Variants in METAP1 observed in about 807,000 individuals in gnomAD.
The protein encoded by METAP1 is methionine aminopeptidase 1.
In METAP1, 28 loss-of-function variants were observed where a neutral mutation model predicts 53.8. The ratio of observed to expected loss-of-function variants is 0.52; its 90% CI spans 0.39 to 0.71. The LOEUF (loss-of-function observed/expected upper bound fraction) is 0.71. Among genes scored for constraint, METAP1 ranks in the 30% least tolerant of loss-of-function variants. The probability of loss-of-function intolerance (pLI) is 0.00; values close to 1 mark genes in which losing one functional copy is unlikely to be tolerated. For missense variants in METAP1, 389 were observed against 479.8 expected (o/e 0.81, Z 1.77); for synonymous variants, 181 against 165.7 (o/e 1.09, Z -0.71).
chr4:99,010,142 C>T (rs187958769), intron 1 of METAP1, among the ~76,000 whole-genome samples: 5 of 152,328 alleles, frequency 3.3e-5, no homozygotes, highest in African/African-American at 1.2e-4. Context: ...TATTCTTTGC[C>T]TGTTGGCACC....
chr4:99,006,923 C>A (rs1400542584), intron 1 of METAP1, among the ~76,000 whole-genome samples: 1 of 151,922 alleles, frequency 6.6e-6, no homozygotes, highest in Non-Finnish European at 1.5e-5. Flanking sequence ...TTTCTGTAAG[C>A]CAGAAATCAA....
At chr4:99,023,852 A>T in intron 1 of METAP1, 10 of 876,768 alleles carry the variant, frequency 1.1e-5, no homozygotes, top group Non-Finnish European at 1.4e-5. Flanking sequence ...TTATCAAGAC[A>T]AGGGAATTGC....
intron 1 of METAP1, among the ~76,000 whole-genome samples, chr4:99,028,629 A>G (rs948730919): frequency 9.9e-5 from 15 of 152,236 alleles, no homozygotes; most frequent in African/African-American, 2.9e-4. Flanking sequence ...AACTGTGACT[A>G]TTATATAACA....
At chr4:99,046,717 A>G (rs1726268247) in intron 8 of METAP1, among the ~76,000 whole-genome samples, 1 of 152,168 alleles carries the variant, frequency 6.6e-6, no homozygotes, top group Admixed American at 6.5e-5. Context: ...AATGGAAATG[A>G]AGGAATATGA....
At chr4:99,055,971 C>T (rs898345608) in intron 9 of METAP1, among the ~76,000 whole-genome samples, 1 of 152,080 alleles carries the variant, frequency 6.6e-6, no homozygotes, top group Non-Finnish European at 1.5e-5. Flanking sequence ...GATTTTATAA[C>T]AGTTTAGAAG....
intron 9 of METAP1, 107 bp from the exon 10 acceptor site, chr4:99,057,641 ATTAAT>A: frequency 1.3e-6 from 1 of 755,582 alleles, no homozygotes; most frequent in South Asian, 1.8e-5. Flanking sequence ...AATCAGGGTA[ATTAAT>A]TTAACAATCA....
At chr4:99,010,759 A>G (rs193192424) in intron 1 of METAP1, among the ~76,000 whole-genome samples, 46 of 152,306 alleles carry the variant, frequency 3.0e-4, no homozygotes, top group Non-Finnish European at 1.3e-4. Context: ...TGCTTTGGGT[A>G]ATATTGATAT....
At chr4:99,056,426 A>G (rs1326258741) in intron 9 of METAP1, among the ~76,000 whole-genome samples, 1 of 152,344 alleles carries the variant, frequency 6.6e-6, no homozygotes, top group East Asian at 1.9e-4. Flanking sequence ...TGATCCTGAA[A>G]AAAACTTACA....
At chr4:99,008,558 T>C (rs1052417645) in intron 1 of METAP1, among the ~76,000 whole-genome samples, 1 of 152,196 alleles carries the variant, frequency 6.6e-6, no homozygotes, top group Non-Finnish European at 1.5e-5. Context: ...ACATATGTAC[T>C]ATATACAGGT....
chr4:99,031,734 A>G (rs1725049125), intron 2 of METAP1: 1 of 599,958 alleles, frequency 1.7e-6, no homozygotes, highest in Admixed American at 2.4e-5. Flanking sequence ...ATCCTGTCCC[A>G]TGCAAAGCTT....
intron 1 of METAP1, among the ~76,000 whole-genome samples, chr4:99,008,159 G>A (rs540692566): frequency 1.3e-5 from 2 of 152,284 alleles, no homozygotes; most frequent in African/African-American, 4.8e-5. Context: ...AAATAGGTGT[G>A]AAAATCAAAT....
At chr4:99,017,758 C>A (rs549758261) in intron 1 of METAP1, among the ~76,000 whole-genome samples, 1 of 152,272 alleles carries the variant, frequency 6.6e-6, no homozygotes, top group Non-Finnish European at 1.5e-5. Flanking sequence ...TTAAGTATCC[C>A]CCAAAGGTAA....
At chr4:99,057,871 G>C in intron 10 of METAP1, 53 bp downstream of exon 10, 1 of 1,465,156 alleles carries the variant, frequency 6.8e-7, no homozygotes, top group Non-Finnish European at 9.3e-7. Context: ...ATGTATTTTA[G>C]GTAATTCATC....
rs763783660 is a variant in METAP1, at chr4:99,057,733, A to AT, written c.932-13dup. 21 of 1,563,514 alleles carry AT rather than the reference A, an allele frequency of 1.3e-5. No individual in the cohort carries two copies. The highest frequency in any genetic ancestry group is 3.5e-5 in the South Asian group (3 of 84,610). On this transcript the variant is annotated intron_variant, in intron 9 of 10. Transcript: ENST00000296411. The stretch of plus-strand genomic sequence containing the variant: ...ACTGTTGGTTTTGCTACCTTTTGAG[A>AT]TTTTTTTCTTTGATTTCAGAAAATA...
At chr4:99,029,305 T>A (rs1223880248) in intron 2 of METAP1, among the ~76,000 whole-genome samples, 1 of 152,182 alleles carries the variant, frequency 6.6e-6, no homozygotes, top group Non-Finnish European at 1.5e-5. Context: ...AGTTTCAATT[T>A]GTATTGCTTT....
chr4:99,039,125 G>A (rs144203832), intron 4 of METAP1: 106 of 346,018 alleles, frequency 3.1e-4, no homozygotes, highest in African/African-American at 1.9e-3. Context: ...TACTCTATAA[G>A]TATTGGCTGA....
chr4:98,996,313 G>T (rs1722624623), intron 1 of METAP1, among the ~76,000 whole-genome samples: 1 of 152,214 alleles, frequency 6.6e-6, no homozygotes, highest in Non-Finnish European at 1.5e-5. Flanking sequence ...CGCTGGAGGC[G>T]CCGGGCCGTC....
intron 9 of METAP1, among the ~76,000 whole-genome samples, chr4:99,052,217 A>G (rs746925200): frequency 7.9e-5 from 12 of 152,326 alleles, no homozygotes; most frequent in African/African-American, 2.4e-4. Context: ...CTGAGTCTTC[A>G]GTGAGTTGTA....
intron 1 of METAP1, among the ~76,000 whole-genome samples, chr4:99,007,263 C>T (rs749856518): frequency 2.0e-5 from 3 of 152,106 alleles, no homozygotes; most frequent in Non-Finnish European, 2.9e-5. Context: ...GACCGTGAAA[C>T]GCTGTTGACA....
Sources: gnomAD v4.1 joint callset for allele counts (sites outside exome capture counted in the v4.1 genomes callset) on GRCh38, gnomAD v4.1.1 for gene constraint, MANE v1.5 for transcripts, NCBI Gene and HGNC (gene_info 2026-07-23, HGNC 2026-07-21) for gene names.